Variants in GNS observed in about 807,000 individuals in gnomAD.
GNS encodes the protein N-acetylglucosamine-6-sulfatase.
A neutral mutation model predicts 69.7 loss-of-function variants in GNS; 40 were observed. The observed-to-expected ratio is 0.57, with a 90% confidence interval of 0.45 to 0.75. The LOEUF (loss-of-function observed/expected upper bound fraction) is 0.75, where lower values mean the gene tolerates loss of function less well. GNS is among the 30% of genes least tolerant of loss of function. The pLI, the probability that GNS is intolerant of heterozygous loss-of-function variation, is 0.00. For missense variants in GNS, 565 were observed against 685.5 expected (o/e 0.82, Z 1.96); for synonymous variants, 243 against 251.6 (o/e 0.97, Z 0.32).
chr12:64,734,389 C>T (rs1869497094), intron 9 of GNS, among the ~76,000 whole-genome samples: 1 of 152,096 alleles, frequency 6.6e-6, no homozygotes, highest in African/African-American at 2.4e-5. Flanking sequence ...CAGCTGGGAA[C>T]ATATAGGAAG....
Position 64,721,639 on chromosome 12 carries a change from A to C in GNS, c.1375T>G (p.Ser459Ala). The C allele has an allele frequency of 6.3e-7, 1 of 1,599,020 alleles. No individual in the cohort carries two copies. The highest frequency in any genetic ancestry group is 8.6e-7 in the Non-Finnish European group (1 of 1,166,162). Reference sequence around the variant, plus strand: ...CAATACTGCAAATTCCACAATGCTGACATTGTCCTCACACAGGCATAGGTA... The same window carrying C: ...CAATACTGCAAATTCCACAATGCTGCCATTGTCCTCACACAGGCATAGGTA... ...NNTYACVRTM[S>A]ALWNLQYCEF... The change falls in exon 12 of 14, where the codon TCA (serine) becomes GCA (alanine). Residue 459 changes from serine (S) to alanine (A), a missense_variant. This residue lies in a region of GNS where 384 missense variants were observed against 511.0 expected (regional missense o/e 0.75). Coordinates refer to ENST00000258145, the MANE Select transcript of GNS (RefSeq NM_002076.4).
At chr12:64,751,269 A>T (rs749921764) in intron 2 of GNS, among the ~76,000 whole-genome samples, 130 of 152,366 alleles carry the variant, frequency 8.5e-4, no homozygotes, top group African/African-American at 2.9e-3. Context: ...ATTACATGGA[A>T]GAAAGTTATT....
chr12:64,732,749 C>T (rs577003402), intron 9 of GNS, among the ~76,000 whole-genome samples: 2 of 152,288 alleles, frequency 1.3e-5, no homozygotes, highest in African/African-American at 2.4e-5. Flanking sequence ...GCGTGAGCCA[C>T]CGCGCCTGGC....
chr12:64,747,971 C>A (rs1040379956), intron 2 of GNS, 53 bp from the exon 3 acceptor site: 12 of 940,988 alleles, frequency 1.3e-5, no homozygotes, highest in African/African-American at 8.0e-5. Context: ...AGATGGACTT[C>A]TCATCATTGT....
chr12:64,740,501 T>C (rs993431468), intron 7 of GNS, 105 bp downstream of exon 7: 4 of 767,194 alleles, frequency 5.2e-6, no homozygotes, highest in African/African-American at 5.1e-5. Flanking sequence ...CTTGCTTCCC[T>C]CTGTTTTTGT....
At chr12:64,731,872 G>C (rs1014734245) in intron 9 of GNS, among the ~76,000 whole-genome samples, 1 of 152,172 alleles carries the variant, frequency 6.6e-6, no homozygotes, top group African/African-American at 2.4e-5. Flanking sequence ...GGAGGCCAAG[G>C]CTGCAGTGAG....
At position 64,759,373 on chromosome 12, in the gene GNS, G is replaced by C; in HGVS notation, c.-97C>G. 2 of 845,296 alleles carry C rather than the reference G, an allele frequency of 2.4e-6. No homozygotes were observed. The highest frequency in any genetic ancestry group is 2.7e-5 in the East Asian group (1 of 37,064). 52.4% of individuals were successfully genotyped at this position (845,296 alleles called of 1,614,324 possible). A position where few individuals can be genotyped will look rare whatever the true frequency, so the allele number is the denominator to read the frequency against. ...GGCCGACCAGCCGAAGGAATAAAAA[G>C]CCGTGCCTTGAAGGCCGGTGGCTGG... On this transcript the variant is annotated 5_prime_UTR_variant, in exon 1 of 14. Transcript: ENST00000258145.
chr12:64,751,281 ATTT>A (rs1408055277), intron 2 of GNS, among the ~76,000 whole-genome samples: 4 of 152,036 alleles, frequency 2.6e-5, no homozygotes, highest in Non-Finnish European at 5.9e-5. Flanking sequence ...AAAGTTATTA[ATTT>A]TTATTTTTTC....
intron 1 of GNS, among the ~76,000 whole-genome samples, chr12:64,757,196 C>T (rs2136256513): frequency 6.6e-6 from 1 of 152,172 alleles, no homozygotes; most frequent in East Asian, 1.9e-4. Flanking sequence ...CTGCTACTGG[C>T]TTAACGAAGC....
At chr12:64,720,537 GA>G (rs1207037522) in intron 12 of GNS, among the ~76,000 whole-genome samples, 1 of 152,214 alleles carries the variant, frequency 6.6e-6, no homozygotes, top group Non-Finnish European at 1.5e-5. Flanking sequence ...CAAGGTCTCA[GA>G]AACAAGACTT....
intron 1 of GNS, among the ~76,000 whole-genome samples, chr12:64,753,606 A>G (rs1238235584): frequency 6.6e-6 from 1 of 152,244 alleles, no homozygotes; most frequent in African/African-American, 2.4e-5. Flanking sequence ...TGCAGTTTTA[A>G]GTATATTTTG....
At chr12:64,746,488 A>G (rs930338627) in intron 3 of GNS, among the ~76,000 whole-genome samples, 12 of 152,198 alleles carry the variant, frequency 7.9e-5, no homozygotes, top group Admixed American at 7.9e-4. Context: ...AAAAAATCTG[A>G]AACGCAAAAT....
chr12:64,754,584 G>A (rs1870188328), intron 1 of GNS, among the ~76,000 whole-genome samples: 1 of 152,024 alleles, frequency 6.6e-6, no homozygotes, highest in Admixed American at 6.6e-5. Flanking sequence ...GTGATGCAGG[G>A]CCACATAGGA....
At chr12:64,733,090 C>A (rs1284376701) in intron 9 of GNS, among the ~76,000 whole-genome samples, 1 of 151,596 alleles carries the variant, frequency 6.6e-6, no homozygotes, top group African/African-American at 2.4e-5. Context: ...GCCTGGGCAA[C>A]ATAATGAAAC....
At chr12:64,744,748 G>C (rs1212855822) in intron 5 of GNS, 61 bp downstream of exon 5, 4 of 815,354 alleles carry the variant, frequency 4.9e-6, no homozygotes, top group Non-Finnish European at 8.9e-6. Context: ...TCTAGGCAGA[G>C]TCTTCAATCA....
chr12:64,752,803 T>C (rs1394711323), intron 1 of GNS, 46 bp from the exon 2 acceptor site: 3 of 938,764 alleles, frequency 3.2e-6, no homozygotes, highest in Admixed American at 3.5e-5. Context: ...TTCCAATAAA[T>C]TGAGACACAC....
intron 10 of GNS, among the ~76,000 whole-genome samples, chr12:64,725,732 C>A (rs1407203353): frequency 6.6e-6 from 1 of 151,980 alleles, no homozygotes; most frequent in Non-Finnish European, 1.5e-5. Flanking sequence ...TGCAGTGGCT[C>A]ATGCCTGTAA....
At chr12:64,725,149 C>T (rs184418496) in intron 10 of GNS, among the ~76,000 whole-genome samples, 5 of 152,168 alleles carry the variant, frequency 3.3e-5, no homozygotes, top group African/African-American at 7.2e-5. Flanking sequence ...TTTTAGTTTC[C>T]GAGTGATTCT....
chr12:64,733,906 G>C (rs1407824805), intron 9 of GNS, among the ~76,000 whole-genome samples: 3 of 152,110 alleles, frequency 2.0e-5, no homozygotes, highest in Admixed American at 2.0e-4. Context: ...GTCAATCTTT[G>C]ACATCTACAC....
Sources: allele counts gnomAD v4.1 joint callset (sites outside exome capture counted in the v4.1 genomes callset), GRCh38; gene constraint gnomAD v4.1.1; regional missense constraint gnomAD v4.1.1; transcripts MANE v1.5; gene names NCBI Gene and HGNC (gene_info 2026-07-23, HGNC 2026-07-21).